DPP6: variants seen among roughly 807,000 people sequenced by gnomAD.
DPP6 encodes A-type potassium channel modulatory protein DPP6.
In DPP6, 69 loss-of-function variants were observed where a neutral mutation model predicts 122.6. That is an observed-to-expected ratio of 0.56 (90% CI 0.46 to 0.69). The LOEUF is 0.69. Ranked by LOEUF, DPP6 falls within the 30% of genes least tolerant of loss-of-function variation. DPP6 has a pLI of 0.00. For missense variants in DPP6, 928 were observed against 1,116.9 expected (o/e 0.83, Z 2.41); for synonymous variants, 418 against 433.1 (o/e 0.97, Z 0.43).
chr7:154,461,489 G>A (rs181887748), intron 2 of DPP6, among the ~76,000 whole-genome samples: 4 of 152,298 alleles, frequency 2.6e-5, no homozygotes, highest in East Asian at 1.9e-4. Flanking sequence ...TATCAACAGT[G>A]TATGAGGGTT....
chr7:154,123,647 G>A (rs1807657326), intron 1 of DPP6, among the ~76,000 whole-genome samples: 1 of 152,178 alleles, frequency 6.6e-6, no homozygotes, highest in African/African-American at 2.4e-5. Flanking sequence ...GCTAGCACCA[G>A]GTGCAGGAGA....
intron 21 of DPP6, among the ~76,000 whole-genome samples, chr7:154,882,504 A>C (rs945733417): frequency 6.6e-6 from 1 of 152,168 alleles, no homozygotes; most frequent in East Asian, 1.9e-4. Flanking sequence ...CGGCCTGTCC[A>C]TTCTGTTTCC....
At chr7:154,369,346 G>A (rs886358494) in intron 1 of DPP6, among the ~76,000 whole-genome samples, 4 of 152,030 alleles carry the variant, frequency 2.6e-5, no homozygotes, top group African/African-American at 9.7e-5. Context: ...GCTGAAGTTT[G>A]TAACTAACTT....
At chr7:153,910,155 A>G (rs1327070725) in intron 1 of DPP6, among the ~76,000 whole-genome samples, 2 of 152,072 alleles carry the variant, frequency 1.3e-5, no homozygotes, top group Non-Finnish European at 2.9e-5. Flanking sequence ...AGCCCAGCCA[A>G]GGAACTTCCA....
chr7:154,137,667 T>TGGGGGGGTGGGGGGGGGGG (rs1563237188), intron 1 of DPP6, among the ~76,000 whole-genome samples: 1 of 29,252 alleles, frequency 3.4e-5, no homozygotes, highest in Non-Finnish European at 6.6e-5. Context: ...GTGGGGGGGG[T>TGGGGGGGTGGGGGGGGGGG]GGGGCGAGCT....
chr7:154,742,416 C>G (rs957104193), intron 8 of DPP6, among the ~76,000 whole-genome samples: 2 of 152,196 alleles, frequency 1.3e-5, no homozygotes, highest in African/African-American at 4.8e-5. Context: ...ATGGTATCTT[C>G]TGATTTAAAA....
intron 17 of DPP6, among the ~76,000 whole-genome samples, chr7:154,859,101 C>T (rs1054643293): frequency 6.6e-5 from 10 of 152,360 alleles, no homozygotes; most frequent in African/African-American, 2.4e-4. Flanking sequence ...GCCTTCACGT[C>T]GCTGCCATCT....
At chr7:154,812,295 A>T (rs1421673363) in intron 16 of DPP6, among the ~76,000 whole-genome samples, 1 of 152,202 alleles carries the variant, frequency 6.6e-6, no homozygotes, top group Non-Finnish European at 1.5e-5. Flanking sequence ...GTTTTTGGTA[A>T]GTTTAGCTGA....
chr7:154,520,251 C>A (rs1439685950), intron 3 of DPP6, among the ~76,000 whole-genome samples: 1 of 152,246 alleles, frequency 6.6e-6, no homozygotes, highest in Non-Finnish European at 1.5e-5. Context: ...GAGGTGGAAT[C>A]TACACTGTAT....
At chr7:154,433,135 A>ATTTTTTTT (rs1349065971) in intron 1 of DPP6, among the ~76,000 whole-genome samples, 1 of 97,822 alleles carries the variant, frequency 1.0e-5, no homozygotes, top group African/African-American at 5.0e-5. Context: ...CTAGACTGCA[A>ATTTTTTTT]GTTTTTTTTT....
At chr7:154,578,412 TGA>T (rs2130645420) in intron 5 of DPP6, among the ~76,000 whole-genome samples, 1 of 152,246 alleles carries the variant, frequency 6.6e-6, no homozygotes, top group African/African-American at 2.4e-5. Context: ...GCTTTAGTCT[TGA>T]GAGTTTATGA....
intron 2 of DPP6, among the ~76,000 whole-genome samples, chr7:154,451,577 C>T (rs1193796167): frequency 1.3e-5 from 2 of 152,112 alleles, no homozygotes; most frequent in Admixed American, 1.3e-4. Flanking sequence ...CTGCCAGCAT[C>T]TACATTCAGT....
At chr7:154,803,833 C>A (rs1320619074) in intron 13 of DPP6, 31 bp from the exon 14 acceptor site, 3 of 1,606,342 alleles carry the variant, frequency 1.9e-6, no homozygotes, top group Non-Finnish European at 2.6e-6. Flanking sequence ...ACACCGGTGT[C>A]TGCTCCTGAT....
chr7:153,846,687 CTTTTTTTTTTT>C, the DPP6 span, among the ~76,000 whole-genome samples: 2 of 78,208 alleles, frequency 2.6e-5, no homozygotes, highest in African/African-American at 1.0e-4. Context: ...TGGCTTGGTT[CTTTTTTTTTTT>C]TTTTTTTTTT....
chr7:154,655,986 T>C (rs563601868), intron 6 of DPP6, among the ~76,000 whole-genome samples: 1 of 152,034 alleles, frequency 6.6e-6, no homozygotes, highest in Admixed American at 6.6e-5. Flanking sequence ...CGCCACAAAC[T>C]GCGTGGCTTA....
At chr7:154,607,173 C>G (rs1425336850) in intron 5 of DPP6, among the ~76,000 whole-genome samples, 1 of 120,350 alleles carries the variant, frequency 8.3e-6, no homozygotes, top group Non-Finnish European at 1.9e-5. Context: ...TAGTGCAATA[C>G]AGTAAACCTT....
chr7:154,526,167 A>C (rs1827391063), intron 3 of DPP6, among the ~76,000 whole-genome samples: 1 of 152,130 alleles, frequency 6.6e-6, no homozygotes, highest in Non-Finnish European at 1.5e-5. Context: ...TTATGCTGGA[A>C]TTTGTTTTTA....
chr7:154,302,227 G>T (rs891459854), intron 1 of DPP6, among the ~76,000 whole-genome samples: 9 of 152,088 alleles, frequency 5.9e-5, no homozygotes, highest in African/African-American at 2.2e-4. Context: ...TGTTCCTTTT[G>T]CCTCCGTGAG....
chr7:153,765,896 T>A, the DPP6 span, among the ~76,000 whole-genome samples: 53,259 of 152,092 alleles, frequency 0.35, 10,048 homozygotes, highest in South Asian at 0.48. Context: ...ATGCTTCTTC[T>A]CAAACATCAG....
Sources: allele counts gnomAD v4.1 joint callset (sites outside exome capture counted in the v4.1 genomes callset), GRCh38; gene constraint gnomAD v4.1.1; transcripts MANE v1.5; gene names NCBI Gene and HGNC (gene_info 2026-07-23, HGNC 2026-07-21).